Variants in DLG2 observed in about 807,000 individuals in gnomAD.
DLG2 encodes the protein disks large homolog 2.
Under a neutral mutation model 132.5 loss-of-function variants are expected in DLG2, and 45 were observed. The ratio of observed to expected loss-of-function variants is 0.34; its 90% CI spans 0.27 to 0.44. The LOEUF (loss-of-function observed/expected upper bound fraction) is 0.44, where lower values mean the gene tolerates loss of function less well. Ranked by LOEUF, DLG2 falls within the 20% of genes least tolerant of loss-of-function variation. DLG2 has a pLI of 1.00. For synonymous variants in DLG2, 424 were observed against 419.6 expected (o/e 1.01, Z -0.13); for missense variants, 1,045 against 1,196.9 (o/e 0.87, Z 1.87).
At chr11:84,270,227 T>A (rs1448603581) in intron 7 of DLG2, among the ~76,000 whole-genome samples, 1 of 152,242 alleles carries the variant, frequency 6.6e-6, no homozygotes, top group African/African-American at 2.4e-5. Context: ...CTTTTTATTA[T>A]TCATGCATTT....
intron 3 of DLG2, among the ~76,000 whole-genome samples, chr11:85,468,783 A>G (rs897272613): frequency 6.6e-6 from 1 of 152,184 alleles, no homozygotes; most frequent in Non-Finnish European, 1.5e-5. Context: ...AAGAATGTAT[A>G]TTCTGTTGAT....
chr11:84,139,465 G>A (rs2094746809), intron 9 of DLG2, among the ~76,000 whole-genome samples: 2 of 151,490 alleles, frequency 1.3e-5, no homozygotes. Context: ...GGTTTCTCAA[G>A]GCCTATAACA....
intron 7 of DLG2, among the ~76,000 whole-genome samples, chr11:84,328,075 G>T (rs1415869288): frequency 6.6e-6 from 1 of 152,130 alleles, no homozygotes; most frequent in African/African-American, 2.4e-5. Context: ...TTTCCTGGTT[G>T]CCAAAAGCAG....
intron 16 of DLG2, among the ~76,000 whole-genome samples, chr11:83,849,749 CTTTTTTT>C (rs67717983): frequency 0.14 from 20,852 of 145,888 alleles, 1,957 homozygotes; most frequent in Non-Finnish European, 0.19. Flanking sequence ...TCTGGAGCTC[CTTTTTTT>C]TTTTTTTTTA....
intron 6 of DLG2, among the ~76,000 whole-genome samples, chr11:85,019,483 A>C (rs1049392459): frequency 1.3e-5 from 2 of 152,006 alleles, no homozygotes; most frequent in Non-Finnish European, 2.9e-5. Context: ...TTTATTTTTC[A>C]TTATACTTTA....
At chr11:83,717,177 C>G (rs1407857036) in intron 18 of DLG2, among the ~76,000 whole-genome samples, 1 of 152,088 alleles carries the variant, frequency 6.6e-6, no homozygotes, top group Non-Finnish European at 1.5e-5. Flanking sequence ...TAGATTTTTC[C>G]TTTGAAGCTA....
chr11:85,495,385 C>G (rs2093647245), intron 3 of DLG2, among the ~76,000 whole-genome samples: 1 of 152,118 alleles, frequency 6.6e-6, no homozygotes, highest in East Asian at 1.9e-4. Context: ...ATCTATCCAT[C>G]TGATGAAGGT....
At chr11:83,993,780 A>G (rs1259684558) in intron 11 of DLG2, among the ~76,000 whole-genome samples, 1 of 152,166 alleles carries the variant, frequency 6.6e-6, no homozygotes, top group Non-Finnish European at 1.5e-5. Flanking sequence ...AACCAAGGTC[A>G]TTAAACACTG....
At chr11:84,502,016 C>A (rs73525725) in intron 7 of DLG2, among the ~76,000 whole-genome samples, 1 of 152,054 alleles carries the variant, frequency 6.6e-6, no homozygotes, top group African/African-American at 2.4e-5. Context: ...CATACAATTA[C>A]TCCATTTCAG....
chr11:84,517,914 A>C (rs550023932), intron 7 of DLG2, among the ~76,000 whole-genome samples: 1 of 152,106 alleles, frequency 6.6e-6, no homozygotes, highest in South Asian at 2.1e-4. Flanking sequence ...AGACAAATAT[A>C]GCATGATCTT....
intron 11 of DLG2, among the ~76,000 whole-genome samples, chr11:84,008,411 T>G (rs534563816): frequency 6.6e-6 from 1 of 152,098 alleles, no homozygotes; most frequent in Admixed American, 6.6e-5. Flanking sequence ...GTTATCTCAA[T>G]GATTGATATA....
chr11:85,346,652 C>A (rs1464829566), intron 3 of DLG2, among the ~76,000 whole-genome samples: 1 of 152,126 alleles, frequency 6.6e-6, no homozygotes, highest in Non-Finnish European at 1.5e-5. Context: ...CATCTAGAGG[C>A]AAGAAATGTC....
intron 6 of DLG2, among the ~76,000 whole-genome samples, chr11:84,736,464 G>A (rs1266345282): frequency 6.6e-6 from 1 of 151,772 alleles, no homozygotes; most frequent in Non-Finnish European, 1.5e-5. Context: ...TGAATCTTTA[G>A]ATAAGGTTAG....
chr11:85,282,037 T>A (rs1286589186), intron 4 of DLG2, among the ~76,000 whole-genome samples: 3 of 150,866 alleles, frequency 2.0e-5, no homozygotes, highest in African/African-American at 4.9e-5. Flanking sequence ...AAAAAAAAAA[T>A]AAATAAATAA....
chr11:85,402,548 A>G (rs1190634757), intron 3 of DLG2, among the ~76,000 whole-genome samples: 1 of 152,188 alleles, frequency 6.6e-6, no homozygotes, highest in Admixed American at 6.6e-5. Flanking sequence ...ATCAGAGTGA[A>G]CAGGCAACCT....
intron 6 of DLG2, among the ~76,000 whole-genome samples, chr11:85,098,250 G>A (rs1201323209): frequency 1.3e-5 from 2 of 152,156 alleles, no homozygotes; most frequent in Non-Finnish European, 2.9e-5. Context: ...ACTTCATATA[G>A]TGCAACGAAG....
intron 2 of DLG2, among the ~76,000 whole-genome samples, chr11:85,609,001 C>A (rs915095011): frequency 1.3e-5 from 2 of 152,162 alleles, no homozygotes; most frequent in African/African-American, 4.8e-5. Flanking sequence ...TACTGACCAG[C>A]AAGCCATCCC....
chr11:85,567,220 G>A (rs1320060887), intron 3 of DLG2, among the ~76,000 whole-genome samples: 1 of 152,086 alleles, frequency 6.6e-6, no homozygotes, highest in African/African-American at 2.4e-5. Flanking sequence ...ACAGCTATTG[G>A]TATTTTGATA....
rs1386342437 is a variant in DLG2, at chr11:85,427,893, G to A, written c.41-142528C>T. ...TATTCAGGAAACCCATCTCATGTGC[G>A]AAGACACACATAGGCTCAAAATAAA... On this transcript the variant is annotated intron_variant, in intron 3 of 27. Coordinates refer to ENST00000376104, the MANE Select transcript of DLG2 (RefSeq NM_001142699.3). Among the ~76,000 whole-genome samples the A allele has an allele frequency of 1.3e-4, 20 of 152,170 alleles. 1 individual carries two copies. Among genetic ancestry groups the A allele is most frequent in the South Asian group, 1.2e-3 (6 of 4,830 alleles).
Sources: allele counts gnomAD v4.1 joint callset (sites outside exome capture counted in the v4.1 genomes callset), GRCh38; gene constraint gnomAD v4.1.1; transcripts MANE v1.5; gene names NCBI Gene and HGNC (gene_info 2026-07-23, HGNC 2026-07-21).